The following EIF3M variants were observed in gnomAD, a reference collection of about 807,000 sequenced individuals.
EIF3M encodes the protein B5 receptor.
Under a neutral mutation model 49.7 loss-of-function variants are expected in EIF3M, and 25 were observed. The ratio of observed to expected loss-of-function variants is 0.50; its 90% CI spans 0.37 to 0.70. The LOEUF (loss-of-function observed/expected upper bound fraction) is 0.70. EIF3M is among the 30% of genes least tolerant of loss of function. The pLI, the probability that EIF3M is intolerant of heterozygous loss-of-function variation, is 0.00. For synonymous variants in EIF3M, 156 were observed against 149.8 expected (o/e 1.04, Z -0.30); for missense variants, 350 against 440.0 (o/e 0.80, Z 1.83).
rs750687108 is a variant in EIF3M at position 32,583,933 on chromosome 11, T to C, written c.42+4T>C. 1.1e-5 allele frequency: 18 copies of C among 1,612,166 alleles called. No homozygotes were observed. The highest frequency in any genetic ancestry group is 1.4e-5 in the Non-Finnish European group (17 of 1,179,804). ...CGACATCAGTGAAGAAGATCAGGTG[T>C]GCTTCGGTCTACGGGTGCCGCCACG... On this transcript the variant is annotated splice_donor_region_variant and intron_variant, in intron 1 of 10. Transcript: ENST00000531120.
In EIF3M at chr11:32,602,925, G is replaced by C. The variant is rs777936378; in HGVS notation, c.*526G>C. On this transcript the variant is annotated 3_prime_UTR_variant, in exon 11 of 11. Coordinates refer to ENST00000531120, the MANE Select transcript of EIF3M (RefSeq NM_006360.6). ...TTTTATTTAGTTGATTCGTAATGAG[G>C]CTCTGCCAGTCATCATCACCAGAAG... 15 of 1,612,938 alleles carry C rather than the reference G, an allele frequency of 9.3e-6. No individual in the cohort carries two copies. Among genetic ancestry groups the C allele is most frequent in the Non-Finnish European group, 1.3e-5 (15 of 1,179,256 alleles).
intron 7 of EIF3M, 64 bp from the exon 8 acceptor site, chr11:32,595,902 G>A: frequency 2.6e-6 from 3 of 1,173,046 alleles, no homozygotes; most frequent in Non-Finnish European, 3.6e-6. Flanking sequence ...CAATATCTTA[G>A]AATATCTTAC....
intron 2 of EIF3M, among the ~76,000 whole-genome samples, chr11:32,588,349 A>G (rs1171472889): frequency 1.4e-5 from 2 of 145,870 alleles, no homozygotes; most frequent in Non-Finnish European, 3.0e-5. Context: ...AGATCGCACC[A>G]CTGCACCCCA....
intron 5 of EIF3M, chr11:32,591,892 C>A: frequency 3.8e-6 from 1 of 260,702 alleles, no homozygotes; most frequent in South Asian, 5.1e-5. Context: ...TGTCATTGTC[C>A]ACTGTAATAT....
At chr11:32,584,263 G>C (rs931755812) in intron 1 of EIF3M, 1 of 366,598 alleles carries the variant, frequency 2.7e-6, no homozygotes, top group Non-Finnish European at 5.0e-6. Context: ...GGGAGGTGGT[G>C]AATCTGTAGT....
rs1385215051 is a variant in EIF3M at position 32,588,613 on chromosome 11, C to T, written c.195C>T (p.Asn65=). 1.2e-6 allele frequency: 2 copies of T among 1,614,016 alleles called. No individual in the cohort carries two copies. Among genetic ancestry groups the T allele is most frequent in the Non-Finnish European group, 1.7e-6 (2 of 1,180,000 alleles). Residue 65 remains asparagine, a synonymous_variant, in exon 3 of 11, where the codon AAC becomes AAT. Coordinates refer to ENST00000531120, the MANE Select transcript of EIF3M (RefSeq NM_006360.6). The part of the protein sequence containing the change: ...EDDKDVESVM[N]SVVSLLLILE... ...GTGTAGATGTTGAAAGTGTGATGAA[C>T]AGTGTGGTATCCCTACTCTTGATCC...
At position 32,600,778 on chromosome 11, in the gene EIF3M, A is replaced by G; in HGVS notation, c.889A>G (p.Met297Val). 1 of 1,611,736 alleles carries G rather than the reference A, an allele frequency of 6.2e-7. No homozygotes were observed. Residue 297 changes from methionine (M) to valine (V), a missense_variant, in exon 9 of 11, where the codon ATG becomes GTG. Physicochemically the swap from Met to Val is conservative, Grantham distance 21 (BLOSUM62 1). Coordinates refer to ENST00000531120, the MANE Select transcript of EIF3M (RefSeq NM_006360.6). ...VENKEISFDTMQQELQIGADD... is the reference protein window; with the variant it reads ...VENKEISFDTVQQELQIGADD... Reference sequence around the variant, plus strand: ...AAATAAGGAAATTTCTTTTGACACAATGCAGCAAGAACTTCAGATTGGAGC... The same window carrying G: ...AAATAAGGAAATTTCTTTTGACACAGTGCAGCAAGAACTTCAGATTGGAGC...
At chr11:32,588,311 C>A (rs1855032651) in intron 2 of EIF3M, among the ~76,000 whole-genome samples, 2 of 150,164 alleles carry the variant, frequency 1.3e-5, no homozygotes, top group Admixed American at 1.3e-4. Context: ...ATCGCTTGAA[C>A]CTGGGAGGCG....
intron 8 of EIF3M, among the ~76,000 whole-genome samples, chr11:32,597,500 CTT>C (rs1489232098): frequency 1.3e-5 from 2 of 152,144 alleles, no homozygotes; most frequent in Non-Finnish European, 2.9e-5. Context: ...ACAGCATAGT[CTT>C]TATTATTTTT....
At chr11:32,586,388 C>T (rs1854998044) in intron 1 of EIF3M, among the ~76,000 whole-genome samples, 1 of 152,038 alleles carries the variant, frequency 6.6e-6, no homozygotes, top group Non-Finnish European at 1.5e-5. Flanking sequence ...TTTATAGGTC[C>T]GAAGATGCAT....
At chr11:32,583,965 TG>T in intron 1 of EIF3M, 36 bp downstream of exon 1, 1 of 1,611,306 alleles carries the variant, frequency 6.2e-7, no homozygotes, top group Non-Finnish European at 8.5e-7. Flanking sequence ...CACGGTGGGG[TG>T]GGGGATGTCC....
intron 5 of EIF3M, chr11:32,592,399 T>A (rs999209245): frequency 1.8e-6 from 1 of 547,424 alleles, no homozygotes; most frequent in African/African-American, 1.9e-5. Context: ...TGCGATACTT[T>A]TCAAAGTAGT....
chr11:32,592,683 C>G (rs1466644741), intron 5 of EIF3M: 2 of 506,300 alleles, frequency 4.0e-6, no homozygotes, highest in South Asian at 2.9e-5. Context: ...AAAATGTTCT[C>G]TAAAACTACC....
chr11:32,603,029 G>A lies in EIF3M; in HGVS notation c.*630G>A. The A allele has an allele frequency of 1.3e-6, 2 of 1,579,294 alleles. No homozygotes were observed. The highest frequency in any genetic ancestry group is 8.6e-7 in the Non-Finnish European group (1 of 1,167,292). ...AGAGGCTTTGTTTTCACCTGGGAAA[G>A]ATAAACTAATTTTACCTTCGAAATT... On this transcript the variant is annotated 3_prime_UTR_variant, in exon 11 of 11. Coordinates refer to ENST00000531120, the MANE Select transcript of EIF3M (RefSeq NM_006360.6).
intron 1 of EIF3M, among the ~76,000 whole-genome samples, chr11:32,584,702 C>T (rs1854967908): frequency 6.7e-6 from 1 of 149,328 alleles, no homozygotes. Flanking sequence ...TCTATTCCTA[C>T]TTGTATGAGG....
At chr11:32,588,918 AC>A (rs1855048806) in intron 3 of EIF3M, 93 bp from the exon 4 acceptor site, 3 of 1,546,440 alleles carry the variant, frequency 1.9e-6, no homozygotes, top group East Asian at 2.3e-5. Flanking sequence ...GAAGTTGTTA[AC>A]GGTACCTGCC....
chr11:32,589,448 A>T, intron 4 of EIF3M, 99 bp from the exon 5 acceptor site: 1 of 1,219,840 alleles, frequency 8.2e-7, no homozygotes, highest in Non-Finnish European at 1.2e-6. Flanking sequence ...AGTGCTGGGG[A>T]TTATAGGCGT....
At chr11:32,583,984 G>A in intron 1 of EIF3M, 55 bp downstream of exon 1, 2 of 1,604,826 alleles carry the variant, frequency 1.2e-6, no homozygotes, top group South Asian at 2.2e-5. Flanking sequence ...TCCTAGTAGC[G>A]CAAGGGACCG....
rs762673368 is a variant in EIF3M, at chr11:32,593,862, T to C, written c.534-4T>C. On this transcript the variant is annotated splice_polypyrimidine_tract_variant and splice_region_variant and intron_variant, in intron 5 of 10. Coordinates refer to ENST00000531120, the MANE Select transcript of EIF3M (RefSeq NM_006360.6). ...CAAGTTCCTAAAGCAATATTTCTTT[T>C]TAGTGATGCTGCTTCAAAAGTCATG... The C allele has an allele frequency of 6.4e-7, 1 of 1,559,440 alleles. No homozygotes were observed. Among genetic ancestry groups the C allele is most frequent in the East Asian group, 2.3e-5 (1 of 43,044 alleles).
Sources: gnomAD v4.1 joint callset for allele counts (sites outside exome capture counted in the v4.1 genomes callset) on GRCh38, gnomAD v4.1.1 for gene constraint, MANE v1.5 for transcripts, NCBI Gene and HGNC (gene_info 2026-07-23, HGNC 2026-07-21) for gene names.